The following PTPRD variants were observed in gnomAD, a reference collection of about 807,000 sequenced individuals.
PTPRD encodes the protein receptor-type tyrosine-protein phosphatase delta.
Under a neutral mutation model 214.5 loss-of-function variants are expected in PTPRD, and 34 were observed. The ratio of observed to expected loss-of-function variants is 0.16; its 90% confidence interval spans 0.12 to 0.21. The LOEUF is 0.21. Among genes scored for constraint, PTPRD ranks in the 10% least tolerant of loss-of-function variants. PTPRD has a pLI of 1.00. For missense variants in PTPRD, 2,545 were observed against 2,398.7 expected, an observed-to-expected ratio of 1.06 and a Z score of -1.27; for synonymous variants, 1,128 against 845.7, an observed-to-expected ratio of 1.33 and a Z score of -5.79.
chr9:9,617,967 G>A (rs1209194435), intron 7 of PTPRD, among the ~76,000 whole-genome samples: 1 of 149,880 alleles, frequency 6.7e-6, no homozygotes, highest in Non-Finnish European at 1.5e-5. Flanking sequence ...TGCTACTCGG[G>A]AGCCTGAGGC....
At chr9:10,069,414 C>T (rs1471831885) in intron 3 of PTPRD, among the ~76,000 whole-genome samples, 4 of 151,992 alleles carry the variant, frequency 2.6e-5, no homozygotes, top group African/African-American at 9.7e-5. Flanking sequence ...CTATACTATG[C>T]CAGGCTCCCT....
intron 12 of PTPRD, among the ~76,000 whole-genome samples, chr9:8,655,684 ATCTT>A (rs1410452311): frequency 1.3e-5 from 2 of 151,934 alleles, no homozygotes; most frequent in East Asian, 1.9e-4. Context: ...CTTTTTCACA[ATCTT>A]TCTATTTTTT....
At chr9:9,261,007 T>A (rs2132121445) in intron 9 of PTPRD, among the ~76,000 whole-genome samples, 1 of 151,986 alleles carries the variant, frequency 6.6e-6, no homozygotes, top group East Asian at 2.0e-4. Flanking sequence ...TAACAGCCAT[T>A]GGTACTGAAA....
chr9:9,898,154 T>G (rs78122825), intron 5 of PTPRD, among the ~76,000 whole-genome samples: 2,707 of 152,194 alleles, frequency 0.018, 74 homozygotes, highest in African/African-American at 0.062. Context: ...TTCTACAGTT[T>G]TAAATATGTT....
chr9:9,985,336 T>A (rs191673718), intron 4 of PTPRD, among the ~76,000 whole-genome samples: 2 of 152,212 alleles, frequency 1.3e-5, no homozygotes, highest in African/African-American at 4.8e-5. Flanking sequence ...TTTGCAATCC[T>A]TAATAATTAA....
At chr9:9,389,966 T>A (rs1009533002) in intron 9 of PTPRD, among the ~76,000 whole-genome samples, 2 of 152,016 alleles carry the variant, frequency 1.3e-5, no homozygotes, top group Non-Finnish European at 2.9e-5. Flanking sequence ...CTGGAGGCAA[T>A]GGAAAATAGA....
intron 9 of PTPRD, among the ~76,000 whole-genome samples, chr9:9,371,094 C>T (rs188234903): frequency 2.6e-5 from 4 of 152,128 alleles, no homozygotes; most frequent in African/African-American, 9.6e-5. Context: ...TTTTTCTCTG[C>T]CAGCCTTTGG....
intron 10 of PTPRD, among the ~76,000 whole-genome samples, chr9:9,110,099 G>A (rs1338337796): frequency 6.6e-6 from 1 of 152,102 alleles, no homozygotes; most frequent in Non-Finnish European, 1.5e-5. Context: ...ATGGCATGGG[G>A]AGAAGAAAAG....
intron 7 of PTPRD, among the ~76,000 whole-genome samples, chr9:9,643,087 G>C (rs190931790): frequency 1.0e-3 from 154 of 152,302 alleles, no homozygotes; most frequent in African/African-American, 3.5e-3. Flanking sequence ...GGGAGAGAGA[G>C]ATTTGAGTTG....
At chr9:8,331,549 T>G (rs771986694) in intron 44 of PTPRD, 33 bp downstream of exon 44, 2 of 1,010,788 alleles carry the variant, frequency 2.0e-6, no homozygotes, top group African/African-American at 3.8e-5. Context: ...ACACCACCAC[T>G]TATCACTGCT....
chr9:10,118,410 G>T (rs958489020), intron 3 of PTPRD, among the ~76,000 whole-genome samples: 2 of 151,456 alleles, frequency 1.3e-5, no homozygotes, highest in African/African-American at 4.8e-5. Flanking sequence ...GTGCATAAAA[G>T]CACCTAGTTT....
At chr9:10,436,090 G>A (rs948156068) in intron 2 of PTPRD, among the ~76,000 whole-genome samples, 4 of 151,818 alleles carry the variant, frequency 2.6e-5, no homozygotes, top group African/African-American at 7.2e-5. Flanking sequence ...GTGACCATTT[G>A]TCAAGTTTCT....
intron 2 of PTPRD, among the ~76,000 whole-genome samples, chr9:10,488,292 G>T (rs995644359): frequency 2.0e-5 from 3 of 151,100 alleles, no homozygotes; most frequent in Admixed American, 6.6e-5. Context: ...GCACGAACCT[G>T]GGAGGCGGAG....
At chr9:9,954,705 C>G (rs1291036915) in intron 4 of PTPRD, among the ~76,000 whole-genome samples, 1 of 152,020 alleles carries the variant, frequency 6.6e-6, no homozygotes, top group African/African-American at 2.4e-5. Flanking sequence ...CCATCTGAAA[C>G]AGTTCCTATT....
intron 9 of PTPRD, among the ~76,000 whole-genome samples, chr9:9,331,065 A>G (rs2042131097): frequency 6.6e-6 from 1 of 152,076 alleles, no homozygotes; most frequent in Non-Finnish European, 1.5e-5. Context: ...CTAAGCAAAC[A>G]TGAAGACCTG....
intron 5 of PTPRD, among the ~76,000 whole-genome samples, chr9:9,820,311 T>C (rs1000032432): frequency 2.2e-4 from 34 of 152,146 alleles, no homozygotes; most frequent in African/African-American, 8.2e-4. Context: ...TGTTCTTATA[T>C]TTTGCCCATT....
At chr9:10,191,297 A>G (rs902827528) in intron 3 of PTPRD, among the ~76,000 whole-genome samples, 3 of 152,074 alleles carry the variant, frequency 2.0e-5, no homozygotes, top group Non-Finnish European at 4.4e-5. Flanking sequence ...AAAAATATAT[A>G]TTCTATTTTA....
At chr9:8,888,531 C>T (rs1341056975) in intron 11 of PTPRD, among the ~76,000 whole-genome samples, 5 of 152,198 alleles carry the variant, frequency 3.3e-5, no homozygotes, top group Non-Finnish European at 5.9e-5. Flanking sequence ...TTGTCTCCCT[C>T]GTGTGAAACC....
chr9:9,119,369 T>G (rs760510530), intron 10 of PTPRD, among the ~76,000 whole-genome samples: 2 of 151,262 alleles, frequency 1.3e-5, no homozygotes, highest in African/African-American at 4.9e-5. Flanking sequence ...ATGGTGAGGG[T>G]GAGGAGATAA....
Sources: allele counts gnomAD v4.1 joint callset (sites outside exome capture counted in the v4.1 genomes callset), GRCh38; gene constraint gnomAD v4.1.1; transcripts MANE v1.5; gene names NCBI Gene and HGNC (gene_info 2026-07-23, HGNC 2026-07-21).